The following ARHGEF11 variants were observed in gnomAD, a reference collection of about 807,000 sequenced individuals.
The protein encoded by ARHGEF11 is Rho guanine nucleotide exchange factor 11.
ARHGEF11 carries 55 observed loss-of-function variants against 193.7 expected under a neutral mutation model. The ratio of observed to expected loss-of-function variants is 0.28; its 90% confidence interval spans 0.23 to 0.36. The LOEUF (loss-of-function observed/expected upper bound fraction) is 0.36, where lower values mean the gene tolerates loss of function less well. Among genes scored for constraint, ARHGEF11 ranks in the 10% least tolerant of loss-of-function variants. ARHGEF11 has a pLI of 1.00. For missense variants in ARHGEF11, 1,723 were observed against 2,005.6 expected (o/e 0.86, Z 2.69); for synonymous variants, 693 against 768.0 (o/e 0.90, Z 1.62).
At chr1:156,976,677 C>T (rs1002234517) in intron 7 of ARHGEF11, among the ~76,000 whole-genome samples, 2 of 152,204 alleles carry the variant, frequency 1.3e-5, no homozygotes, top group African/African-American at 4.8e-5. Flanking sequence ...CCATCCCTTT[C>T]TTCCCTCTTT....
At chr1:156,941,321 C>T (rs12077029) in intron 35 of ARHGEF11, 51 bp downstream of exon 35, 2 of 1,593,468 alleles carry the variant, frequency 1.3e-6, no homozygotes, top group South Asian at 1.1e-5. Flanking sequence ...CAACCTGTGC[C>T]TACAGAAAAA....
chr1:156,954,105 C>T (rs956072187), intron 21 of ARHGEF11, among the ~76,000 whole-genome samples: 4 of 152,020 alleles, frequency 2.6e-5, no homozygotes, highest in South Asian at 2.1e-4. Context: ...ACTGACCGGG[C>T]GCAGTGGCTC....
At chr1:156,936,497 A>AAT (rs1553192804) in intron 40 of ARHGEF11, among the ~76,000 whole-genome samples, 876 of 33,896 alleles carry the variant, frequency 0.026, 25 homozygotes, top group Middle Eastern at 0.045. Flanking sequence ...AAAAAAAAAA[A>AAT]ATATATATAT....
intron 21 of ARHGEF11, among the ~76,000 whole-genome samples, chr1:156,953,201 T>C (rs904146378): frequency 6.6e-6 from 1 of 152,218 alleles, no homozygotes; most frequent in Non-Finnish European, 1.5e-5. Context: ...CTCAGCATTT[T>C]TGGAGGCCAA....
chr1:156,972,894 T>G (rs1319884847), intron 7 of ARHGEF11, among the ~76,000 whole-genome samples: 1 of 152,198 alleles, frequency 6.6e-6, no homozygotes, highest in African/African-American at 2.4e-5. Flanking sequence ...AAGTCTCCTT[T>G]TTCCAATGGC....
intron 1 of ARHGEF11, among the ~76,000 whole-genome samples, chr1:157,036,809 C>T (rs929358263): frequency 1.3e-5 from 2 of 152,120 alleles, no homozygotes; most frequent in African/African-American, 4.8e-5. Flanking sequence ...CCTAGTCCAC[C>T]AGTCTCATAA....
intron 10 of ARHGEF11, among the ~76,000 whole-genome samples, chr1:156,968,488 T>C (rs940675317): frequency 6.6e-6 from 1 of 152,180 alleles, no homozygotes; most frequent in Non-Finnish European, 1.5e-5. Context: ...TTCCAGATAA[T>C]GTCAACTGTA....
chr1:156,980,302 TG>T, intron 4 of ARHGEF11, 134 bp downstream of exon 4: 1 of 997,158 alleles, frequency 1.0e-6, no homozygotes, highest in Non-Finnish European at 1.5e-6. Flanking sequence ...CTCCCTCGTA[TG>T]GTACCACTCC....
At chr1:156,991,183 T>C (rs1665639471) in intron 1 of ARHGEF11, among the ~76,000 whole-genome samples, 1 of 152,252 alleles carries the variant, frequency 6.6e-6, no homozygotes, top group African/African-American at 2.4e-5. Context: ...CTGGAGTTAC[T>C]ACATCAGTAT....
chr1:156,994,127 GAACAC>G (rs1372132346), intron 1 of ARHGEF11, among the ~76,000 whole-genome samples: 1 of 152,162 alleles, frequency 6.6e-6, no homozygotes, highest in African/African-American at 2.4e-5. Flanking sequence ...TCTGCAAAAT[GAACAC>G]ATATTGATAT....
At chr1:157,036,196 A>AATACATATATGAATACATATATGAATAT (rs1557991992) in intron 1 of ARHGEF11, among the ~76,000 whole-genome samples, 1 of 132,298 alleles carries the variant, frequency 7.6e-6, no homozygotes, top group Non-Finnish European at 1.6e-5. Flanking sequence ...TACATATATG[A>AATACATATATGAATACATATATGAATAT]ATATATATAC....
chr1:156,993,594 G>A (rs1001548724), intron 1 of ARHGEF11, among the ~76,000 whole-genome samples: 1 of 152,116 alleles, frequency 6.6e-6, no homozygotes, highest in African/African-American at 2.4e-5. Context: ...CAGGACCTTA[G>A]CTCCAGATAA....
At chr1:156,978,968 CTAAATAGGTGTG>C (rs1290512686) in intron 5 of ARHGEF11, among the ~76,000 whole-genome samples, 2 of 152,178 alleles carry the variant, frequency 1.3e-5, no homozygotes, top group Non-Finnish European at 2.9e-5. Context: ...AGGATATGGT[CTAAATAGGTGTG>C]GCAAAGATGA....
intron 1 of ARHGEF11, among the ~76,000 whole-genome samples, chr1:156,993,267 T>C (rs746769449): frequency 1.3e-5 from 2 of 152,312 alleles, no homozygotes; most frequent in Non-Finnish European, 2.9e-5. Context: ...ACATGTAGAT[T>C]TGTTTGGTCT....
chr1:156,969,028 C>T (rs759316611), intron 10 of ARHGEF11, among the ~76,000 whole-genome samples: 21 of 152,278 alleles, frequency 1.4e-4, no homozygotes, highest in Middle Eastern at 6.8e-3. Context: ...ATGCCATGGC[C>T]GCCCTCTCCA....
chr1:156,967,803 T>A (rs948358127), intron 11 of ARHGEF11, 184 bp downstream of exon 11: 4 of 736,308 alleles, frequency 5.4e-6, no homozygotes, highest in Non-Finnish European at 6.7e-6. Flanking sequence ...TACTTTCATA[T>A]CTCTATTTAT....
chr1:156,936,495 A>ATATATATATATATAT (rs1330599702), intron 40 of ARHGEF11, among the ~76,000 whole-genome samples: 2 of 57,098 alleles, frequency 3.5e-5, no homozygotes, highest in Non-Finnish European at 6.1e-5. Flanking sequence ...AAAAAAAAAA[A>ATATATATATATATAT]AAATATATAT....
intron 1 of ARHGEF11, among the ~76,000 whole-genome samples, chr1:156,986,594 G>T (rs1447587008): frequency 1.3e-5 from 2 of 152,178 alleles, no homozygotes; most frequent in Non-Finnish European, 2.9e-5. Flanking sequence ...TTAGTTTTAG[G>T]CAATGATTTG....
chr1:157,018,155 C>A (rs1443390557), intron 1 of ARHGEF11, among the ~76,000 whole-genome samples: 1 of 152,066 alleles, frequency 6.6e-6, no homozygotes, highest in Non-Finnish European at 1.5e-5. Flanking sequence ...ACACTAAAAA[C>A]TACAAAACAT....
Sources: gnomAD v4.1 joint callset for allele counts (sites outside exome capture counted in the v4.1 genomes callset) on GRCh38, gnomAD v4.1.1 for gene constraint, MANE v1.5 for transcripts, NCBI Gene and HGNC (gene_info 2026-07-23, HGNC 2026-07-21) for gene names.